The following CTNND2 variants were observed in gnomAD, a reference collection of about 807,000 sequenced individuals.
CTNND2 encodes the protein catenin delta 2.
CTNND2 carries 22 observed loss-of-function variants against 144.4 expected under a neutral mutation model. The ratio of observed to expected loss-of-function variants is 0.15; its 90% CI spans 0.11 to 0.22. CTNND2 has a LOEUF of 0.22. CTNND2 is among the 10% of genes least tolerant of loss of function. CTNND2 has a pLI of 1.00. For synonymous variants in CTNND2, 751 were observed against 695.6 expected, an observed-to-expected ratio of 1.08 and a Z score of -1.25; for missense variants, 1,353 against 1,618.8, an observed-to-expected ratio of 0.84 and a Z score of 2.82.
chr5:11,454,789 TG>T (rs1765594546), intron 3 of CTNND2, among the ~76,000 whole-genome samples: 1 of 151,682 alleles, frequency 6.6e-6, no homozygotes, highest in African/African-American at 2.4e-5. Flanking sequence ...TTAGTAGAGA[TG>T]GGGGCTTCAC....
At chr5:11,148,330 T>G (rs1056275249) in intron 12 of CTNND2, among the ~76,000 whole-genome samples, 1 of 152,232 alleles carries the variant, frequency 6.6e-6, no homozygotes, top group Non-Finnish European at 1.5e-5. Context: ...TGTAAATTTA[T>G]TCTGAATTAG....
chr5:11,128,954 T>C (rs1206929580), intron 12 of CTNND2, among the ~76,000 whole-genome samples: 1 of 47,934 alleles, frequency 2.1e-5, no homozygotes, highest in Non-Finnish European at 4.1e-5. Flanking sequence ...ATATAATATA[T>C]AAATATATAT....
At chr5:11,229,198 T>C (rs1164284100) in intron 10 of CTNND2, among the ~76,000 whole-genome samples, 1 of 152,160 alleles carries the variant, frequency 6.6e-6, no homozygotes, top group African/African-American at 2.4e-5. Context: ...AGTCACATAA[T>C]AAAGTTTGAA....
intron 14 of CTNND2, among the ~76,000 whole-genome samples, chr5:11,102,970 A>ATGTTTTTTTTTTTT (rs1752048437): frequency 1.2e-5 from 1 of 84,080 alleles, no homozygotes; most frequent in East Asian, 3.9e-4. Context: ...TATTTAAAAG[A>ATGTTTTTTTTTTTT]TTTTTTTTTT....
rs551445718 is a variant in CTNND2, at chr5:11,148,960, A to C, written c.2159+10616T>G. Among the ~76,000 whole-genome samples, 3 of 152,312 alleles carry C rather than the reference A, an allele frequency of 2.0e-5. No homozygotes were observed. In the East Asian group the frequency reaches 5.8e-4, roughly 29 times the overall value. The stretch of plus-strand genomic sequence containing the variant: ...GTGACAGGGGTCAAGGACAAATGAC[A>C]TTTAATCATGTGTGGTAGCCAGTGC... On this transcript the variant is annotated intron_variant, in intron 12 of 21. Coordinates refer to ENST00000304623, the MANE Select transcript of CTNND2 (RefSeq NM_001332.4).
chr5:11,060,499 A>G (rs1201956101), intron 16 of CTNND2, among the ~76,000 whole-genome samples: 1 of 152,222 alleles, frequency 6.6e-6, no homozygotes, highest in Non-Finnish European at 1.5e-5. Flanking sequence ...AAAGTAAGAC[A>G]GATAATACCC....
chr5:11,883,386 G>A (rs372445386), intron 1 of CTNND2, among the ~76,000 whole-genome samples: 1 of 152,034 alleles, frequency 6.6e-6, no homozygotes, highest in Non-Finnish European at 1.5e-5. Context: ...TTGTGTCCAC[G>A]TGTTCTCCTT....
chr5:11,694,918 T>C (rs181060529), intron 2 of CTNND2, among the ~76,000 whole-genome samples: 8 of 152,348 alleles, frequency 5.3e-5, no homozygotes, highest in Non-Finnish European at 1.2e-4. Context: ...GGAACCCCAA[T>C]GTGTTGTCAT....
At chr5:11,125,527 C>A (rs940297194) in intron 12 of CTNND2, among the ~76,000 whole-genome samples, 1 of 152,202 alleles carries the variant, frequency 6.6e-6, no homozygotes, top group South Asian at 2.1e-4. Context: ...TGACACAGGG[C>A]AGCTGCTCAG....
chr5:11,132,403 T>G (rs1755710193), intron 12 of CTNND2, among the ~76,000 whole-genome samples: 2 of 152,220 alleles, frequency 1.3e-5, no homozygotes, highest in African/African-American at 4.8e-5. Flanking sequence ...CTGAGGACTT[T>G]GGGAGATGAT....
At chr5:11,445,310 T>C (rs1049094273) in intron 3 of CTNND2, among the ~76,000 whole-genome samples, 1 of 152,186 alleles carries the variant, frequency 6.6e-6, no homozygotes. Flanking sequence ...ATTAGTCATA[T>C]TGGGTTAGGG....
At chr5:11,632,358 G>C (rs1781455586) in intron 2 of CTNND2, among the ~76,000 whole-genome samples, 1 of 152,156 alleles carries the variant, frequency 6.6e-6, no homozygotes, top group Non-Finnish European at 1.5e-5. Flanking sequence ...AGGACATTAA[G>C]GAAAACTGTG....
At chr5:11,664,819 G>C (rs1307213505) in intron 2 of CTNND2, among the ~76,000 whole-genome samples, 1 of 152,142 alleles carries the variant, frequency 6.6e-6, no homozygotes, top group Non-Finnish European at 1.5e-5. Flanking sequence ...ACAGAATGAA[G>C]TGCTCCATCA....
chr5:11,062,817 G>C (rs946151392), intron 16 of CTNND2, among the ~76,000 whole-genome samples: 4 of 152,198 alleles, frequency 2.6e-5, no homozygotes, highest in Non-Finnish European at 5.9e-5. Flanking sequence ...AAACGTGCTT[G>C]CATGTTCTTT....
intron 2 of CTNND2, among the ~76,000 whole-genome samples, chr5:11,635,657 T>C (rs948191759): frequency 6.6e-6 from 1 of 152,202 alleles, no homozygotes; most frequent in African/African-American, 2.4e-5. Flanking sequence ...TTGTTTCCTC[T>C]GCCCTTCTAT....
chr5:11,183,617 G>C (rs533747789), intron 11 of CTNND2, among the ~76,000 whole-genome samples: 1 of 151,806 alleles, frequency 6.6e-6, no homozygotes, highest in South Asian at 2.1e-4. Context: ...GAGTGCAGTG[G>C]TGCAATCTCA....
chr5:10,992,437 G>T, intron 19 of CTNND2, 114 bp downstream of exon 19: 2 of 1,432,142 alleles, frequency 1.4e-6, no homozygotes, highest in Admixed American at 3.5e-5. Context: ...TACTTCTAGC[G>T]AAGGTCTGAA....
chr5:11,010,632 C>T (rs78768106), intron 18 of CTNND2, among the ~76,000 whole-genome samples: 4 of 152,378 alleles, frequency 2.6e-5, no homozygotes, highest in Non-Finnish European at 4.4e-5. Context: ...GCTGTATTCA[C>T]TCCTTCATCC....
chr5:11,082,884 G>A (rs1189547337), intron 15 of CTNND2, 38 bp from the exon 16 acceptor site: 1 of 1,604,260 alleles, frequency 6.2e-7, no homozygotes, highest in South Asian at 1.1e-5. Context: ...TTAGAAACAG[G>A]AAGAAACCCT....
Sources: gnomAD v4.1 joint callset for allele counts (sites outside exome capture counted in the v4.1 genomes callset) on GRCh38, gnomAD v4.1.1 for gene constraint, MANE v1.5 for transcripts, NCBI Gene and HGNC (gene_info 2026-07-23, HGNC 2026-07-21) for gene names.